Variants in CAMK2B observed in about 807,000 individuals in gnomAD.
CAMK2B encodes the protein calcium/calmodulin dependent protein kinase II beta.
CAMK2B carries 27 observed loss-of-function variants against 93.7 expected under a neutral mutation model. That is an observed-to-expected ratio of 0.29 (90% confidence interval 0.21 to 0.40). The LOEUF (loss-of-function observed/expected upper bound fraction) is 0.40, where lower values mean the gene tolerates loss of function less well. Ranked by LOEUF, CAMK2B falls within the 10% of genes least tolerant of loss-of-function variation. The pLI is 1.00. For missense variants in CAMK2B, 568 were observed against 895.8 expected (o/e 0.63, Z 4.67); for synonymous variants, 374 against 358.8 (o/e 1.04, Z -0.48).
At position 44,257,989 on chromosome 7, in the gene CAMK2B, C is replaced by G. The variant is rs145721399; in HGVS notation, c.275+883G>C. Among the ~76,000 whole-genome samples, 498 of 152,376 alleles carry G rather than the reference C, an allele frequency of 3.3e-3. 3 individuals carry two copies. Among genetic ancestry groups the G allele is most frequent in the African/African-American group, 0.011 (464 of 41,584 alleles). On this transcript the variant is annotated intron_variant, in intron 4 of 23. Coordinates refer to ENST00000395749, the MANE Select transcript of CAMK2B (RefSeq NM_001220.5). ...TGGGCTTCTCTGGCTGTGTGGCCGC[C>G]TGGAGGCCACAGGGGCAGGCTAAGG...
intron 4 of CAMK2B, among the ~76,000 whole-genome samples, 166 bp from the exon 5 acceptor site, chr7:44,254,773 A>ATC (rs1562922277): frequency 8.1e-3 from 1 of 124 alleles, no homozygotes; most frequent in African/African-American, 0.038. Flanking sequence ...CACCACCACC[A>ATC]ACTACCACCA....
At chr7:44,246,773 A>G (rs983533260) in intron 6 of CAMK2B, among the ~76,000 whole-genome samples, 1 of 152,110 alleles carries the variant, frequency 6.6e-6, no homozygotes, top group African/African-American at 2.4e-5. Context: ...AGGCATGCAC[A>G]TATGTACACA....
At chr7:44,247,688 G>A (rs2096745045) in intron 5 of CAMK2B, among the ~76,000 whole-genome samples, 1 of 152,132 alleles carries the variant, frequency 6.6e-6, no homozygotes, top group Non-Finnish European at 1.5e-5. Flanking sequence ...GCTCTGTGCT[G>A]GAGCAGAAAT....
At position 44,229,378 on chromosome 7, in the gene CAMK2B, G is replaced by C. The variant is rs1489098983; in HGVS notation, c.1339+10C>G. 1 of 1,511,130 alleles carries C rather than the reference G, an allele frequency of 6.6e-7. No individual in the cohort carries two copies. Among genetic ancestry groups the C allele is most frequent in the Admixed American group, 2.1e-5 (1 of 47,174 alleles). The allele number at this position is 1,511,130 out of a possible 1,614,324, so 93.6% of individuals were successfully genotyped here. On this transcript the variant is annotated intron_variant, in intron 18 of 23. Transcript: ENST00000395749. Reference sequence around the variant, plus strand: ...ATGACCCCCACAGCAGCAGGACCCAGGCTACTTACATGGGGCTGGCAGGGG... The same window carrying C: ...ATGACCCCCACAGCAGCAGGACCCACGCTACTTACATGGGGCTGGCAGGGG...
intron 1 of CAMK2B, among the ~76,000 whole-genome samples, chr7:44,303,303 C>T (rs182963357): frequency 6.6e-6 from 1 of 152,090 alleles, no homozygotes; most frequent in East Asian, 1.9e-4. Context: ...TAGGAAGATG[C>T]AATATTGTCC....
intron 2 of CAMK2B, among the ~76,000 whole-genome samples, chr7:44,274,491 C>A (rs886660681): frequency 6.6e-5 from 10 of 152,232 alleles, no homozygotes; most frequent in African/African-American, 1.9e-4. Context: ...AGGCCTCAAA[C>A]CCGCACCTTT....
intron 1 of CAMK2B, among the ~76,000 whole-genome samples, chr7:44,303,190 T>C (rs1285223135): frequency 6.6e-6 from 1 of 152,166 alleles, no homozygotes; most frequent in Non-Finnish European, 1.5e-5. Context: ...GGTATAAATC[T>C]AACAAAATAT....
rs143953872 is a variant in CAMK2B, at chr7:44,243,525, C to T, written c.417G>A (p.Pro139=). The T allele has an allele frequency of 1.1e-5, 18 of 1,613,686 alleles. No individual in the cohort carries two copies. Among genetic ancestry groups the T allele is most frequent in the Admixed American group, 6.7e-5 (4 of 60,006 alleles). The part of the protein sequence containing the change: ...QMGVVHRDLK[P]ENLLLASKCK... Reference sequence around the variant, plus strand: ...ACTTGCTGGCCAGAAGCAGGTTCTCCGGCTGCAGGGAGGTGACCGGCACAA... The same window carrying T: ...ACTTGCTGGCCAGAAGCAGGTTCTCTGGCTGCAGGGAGGTGACCGGCACAA... Residue 139 remains proline (P), a splice_region_variant and synonymous_variant, in exon 7 of 24, where the codon CCG becomes CCA. Coordinates refer to ENST00000395749, the MANE Select transcript of CAMK2B (RefSeq NM_001220.5).
In CAMK2B at chr7:44,325,337, G is replaced by C; in HGVS notation, c.65+20C>G. 7 of 1,225,830 alleles carry C rather than the reference G, an allele frequency of 5.7e-6. No homozygotes were observed. Among genetic ancestry groups the C allele is most frequent in the Non-Finnish European group, 7.3e-6 (7 of 954,528 alleles). 75.9% of individuals were successfully genotyped at this position (1,225,830 alleles called of 1,614,324 possible). A position where few individuals can be genotyped will look rare whatever the true frequency, so the allele number is the denominator to read the frequency against. On this transcript the variant is annotated intron_variant, in intron 1 of 23. Transcript: ENST00000395749. ...CCCTCTGGGGTCCCCGGCCCAGCCC[G>C]CGCGCGCCGCTGCTCTTACTTGCCA...
At chr7:44,290,251 C>T (rs1786394576) in intron 1 of CAMK2B, among the ~76,000 whole-genome samples, 2 of 152,232 alleles carry the variant, frequency 1.3e-5, no homozygotes, top group Admixed American at 1.3e-4. Context: ...AGATCCAAGC[C>T]TGGCTGACCT....
intron 20 of CAMK2B, 121 bp downstream of exon 20, chr7:44,226,395 A>G: frequency 1.3e-6 from 1 of 786,614 alleles, no homozygotes; most frequent in Non-Finnish European, 1.8e-6. Context: ...GACCCAGCAG[A>G]GGGATCCTGT....
chr7:44,235,377 C>G (rs1286525673), intron 13 of CAMK2B, among the ~76,000 whole-genome samples: 1 of 152,254 alleles, frequency 6.6e-6, no homozygotes, highest in Non-Finnish European at 1.5e-5. Context: ...GATACTTGGT[C>G]CCAGCAGCGG....
At chr7:44,273,410 C>G (rs10238922) in intron 2 of CAMK2B, among the ~76,000 whole-genome samples, 49,468 of 152,040 alleles carry the variant, frequency 0.33, 8,465 homozygotes, top group Non-Finnish European at 0.39. Context: ...GCTCACAAAT[C>G]GGGTGAGTAG....
intron 4 of CAMK2B, among the ~76,000 whole-genome samples, chr7:44,258,399 G>A (rs1257077841): frequency 6.6e-6 from 1 of 152,138 alleles, no homozygotes; most frequent in Non-Finnish European, 1.5e-5. Flanking sequence ...GTGCTCACGC[G>A]CCCCCACGTG....
intron 1 of CAMK2B, among the ~76,000 whole-genome samples, chr7:44,287,727 C>T (rs1036889608): frequency 2.6e-5 from 4 of 152,224 alleles, no homozygotes; most frequent in African/African-American, 9.7e-5. Flanking sequence ...GTATCATAAG[C>T]CTGTCCCTGC....
chr7:44,266,349 C>T (rs977860892), intron 2 of CAMK2B, among the ~76,000 whole-genome samples: 14 of 152,306 alleles, frequency 9.2e-5, no homozygotes, highest in African/African-American at 3.4e-4. Flanking sequence ...TCCACAAAAC[C>T]AGGGACATTA....
chr7:44,251,070 C>G (rs529005210), intron 5 of CAMK2B, among the ~76,000 whole-genome samples: 22 of 152,342 alleles, frequency 1.4e-4, no homozygotes, highest in African/African-American at 5.1e-4. Context: ...AGCTGCTCCA[C>G]GGCAGCAGCT....
chr7:44,300,885 A>G (rs1472886851), intron 1 of CAMK2B, among the ~76,000 whole-genome samples: 1 of 152,240 alleles, frequency 6.6e-6, no homozygotes, highest in Non-Finnish European at 1.5e-5. Flanking sequence ...TTTGGGCCAT[A>G]AAAACACCCT....
intron 2 of CAMK2B, among the ~76,000 whole-genome samples, chr7:44,272,903 G>T (rs2096988040): frequency 6.6e-6 from 1 of 152,224 alleles, no homozygotes; most frequent in South Asian, 2.1e-4. Context: ...CGGAGGTGTG[G>T]CTTGGAATTC....
Sources: gnomAD v4.1 joint callset for allele counts (sites outside exome capture counted in the v4.1 genomes callset) on GRCh38, gnomAD v4.1.1 for gene constraint, MANE v1.5 for transcripts, NCBI Gene and HGNC (gene_info 2026-07-23, HGNC 2026-07-21) for gene names.